The following BAZ1A variants were observed in gnomAD, a reference collection of about 807,000 sequenced individuals.
The protein encoded by BAZ1A is bromodomain adjacent to zinc finger domain 1A.
In BAZ1A, 50 loss-of-function variants were observed where a neutral mutation model predicts 185.2. That is an observed-to-expected ratio of 0.27 (90% CI 0.22 to 0.34). The LOEUF (loss-of-function observed/expected upper bound fraction) is 0.34. BAZ1A is among the 10% of genes least tolerant of loss of function. The pLI, the probability that BAZ1A is intolerant of heterozygous loss-of-function variation, is 1.00. For missense variants in BAZ1A, 1,356 were observed against 1,839.9 expected (o/e 0.74, Z 4.81); for synonymous variants, 571 against 615.6 (o/e 0.93, Z 1.07).
At chr14:34,792,217 C>CT (rs1405103495) in intron 12 of BAZ1A, among the ~76,000 whole-genome samples, 1 of 152,146 alleles carries the variant, frequency 6.6e-6, no homozygotes, top group Non-Finnish European at 1.5e-5. Flanking sequence ...AACCCCGTCT[C>CT]TATTTTAAAA....
chr14:34,861,974 C>G, intron 3 of BAZ1A, 70 bp downstream of exon 3: 3 of 1,526,548 alleles, frequency 2.0e-6, no homozygotes, highest in Non-Finnish European at 2.7e-6. Flanking sequence ...TAGGTCACCA[C>G]TTTGTGTGTT....
intron 21 of BAZ1A, among the ~76,000 whole-genome samples, chr14:34,766,605 G>A (rs17526884): frequency 0.3 from 44,998 of 151,986 alleles, 7,268 homozygotes; most frequent in Non-Finnish European, 0.38. Context: ...GATTCACCTA[G>A]ACTTCGGCGT....
At chr14:34,803,251 C>A in intron 6 of BAZ1A, among the ~76,000 whole-genome samples, 1 of 151,820 alleles carries the variant, frequency 6.6e-6, no homozygotes, top group East Asian at 1.9e-4. Flanking sequence ...TGGTGGCACA[C>A]GTCTGTAGTC....
chr14:34,838,593 C>T (rs951143690), intron 3 of BAZ1A, among the ~76,000 whole-genome samples: 3 of 151,760 alleles, frequency 2.0e-5, no homozygotes, highest in Admixed American at 6.6e-5. Flanking sequence ...GCAATCTCGG[C>T]TCACTGCAAC....
intron 3 of BAZ1A, among the ~76,000 whole-genome samples, chr14:34,853,925 G>A (rs2042635741): frequency 6.6e-6 from 1 of 152,230 alleles, no homozygotes; most frequent in South Asian, 2.1e-4. Flanking sequence ...TAATTCTGCA[G>A]TCCCTTTACT....
At chr14:34,868,677 T>C (rs1261587233) in intron 2 of BAZ1A, among the ~76,000 whole-genome samples, 3 of 151,886 alleles carry the variant, frequency 2.0e-5, no homozygotes, top group Non-Finnish European at 4.4e-5. Context: ...GTCAGGAGCC[T>C]GTAATCCTAG....
chr14:34,756,894 G>C lies in BAZ1A; in HGVS notation c.4386+1810C>G, dbSNP rs571939761. Among the ~76,000 whole-genome samples the C allele has an allele frequency of 1.8e-4, 28 of 152,208 alleles. No homozygotes were observed. In the South Asian group the frequency reaches 5.8e-3, roughly 32 times the overall value. ...AGACCTAATGAATCAAACACTCTGG[G>C]GCTCAGGAATCAATGTTTTAGCAAG... On this transcript the variant is annotated intron_variant, in intron 25 of 26. Coordinates refer to ENST00000360310, the MANE Select transcript of BAZ1A (RefSeq NM_013448.3).
At chr14:34,838,181 A>AT (rs1233890345) in intron 3 of BAZ1A, among the ~76,000 whole-genome samples, 21 of 152,190 alleles carry the variant, frequency 1.4e-4, no homozygotes, top group Non-Finnish European at 2.9e-4. Flanking sequence ...TGTTTATGCC[A>AT]TTAAACACTT....
intron 21 of BAZ1A, among the ~76,000 whole-genome samples, chr14:34,770,055 A>T (rs1322497785): frequency 6.6e-6 from 1 of 152,158 alleles, no homozygotes; most frequent in Non-Finnish European, 1.5e-5. Flanking sequence ...ACTGGCCACA[A>T]CTCTTCAATT....
chr14:34,812,331 C>A (rs1047375096), intron 4 of BAZ1A, among the ~76,000 whole-genome samples: 8 of 152,110 alleles, frequency 5.3e-5, no homozygotes, highest in Admixed American at 5.2e-4. Flanking sequence ...TGGAAGGAGG[C>A]ATGCACAATT....
At chr14:34,833,084 A>T (rs961455002) in intron 3 of BAZ1A, among the ~76,000 whole-genome samples, 1 of 152,188 alleles carries the variant, frequency 6.6e-6, no homozygotes, top group Non-Finnish European at 1.5e-5. Context: ...CAAAACAAAA[A>T]TTTAAAAATT....
intron 3 of BAZ1A, among the ~76,000 whole-genome samples, chr14:34,842,326 T>C (rs987440049): frequency 6.6e-6 from 1 of 152,220 alleles, no homozygotes; most frequent in Non-Finnish European, 1.5e-5. Context: ...TCACCTTTTG[T>C]TGCCACTAGA....
intron 12 of BAZ1A, among the ~76,000 whole-genome samples, chr14:34,790,232 G>A (rs7157311): frequency 0.58 from 86,709 of 150,726 alleles, 25,154 homozygotes; most frequent in South Asian, 0.67. Context: ...GCAGTGGCAC[G>A]ATCACAGATC....
chr14:34,813,791 G>A (rs1384556650), intron 4 of BAZ1A, among the ~76,000 whole-genome samples: 1 of 152,102 alleles, frequency 6.6e-6, no homozygotes, highest in Non-Finnish European at 1.5e-5. Context: ...TGTAATCCCA[G>A]CACCTTGGGA....
intron 6 of BAZ1A, among the ~76,000 whole-genome samples, chr14:34,806,150 T>C (rs970055569): frequency 2.0e-5 from 3 of 152,314 alleles, no homozygotes; most frequent in African/African-American, 7.2e-5. Flanking sequence ...TCTAGAGACC[T>C]GAAATGTTAA....
Position 34,782,596 on chromosome 14 carries a change from A to G in BAZ1A, c.2111+523T>C, listed in dbSNP as rs192458062. 7.6e-3 allele frequency among the ~76,000 whole-genome samples: 1,152 copies of G among 152,250 alleles called. 13 individuals carry two copies. Among genetic ancestry groups the G allele is most frequent in the Non-Finnish European group, 1.0e-2 (679 of 68,004 alleles). The stretch of plus-strand genomic sequence containing the variant: ...TTCTTCTACTGCGAGTTTGTGACCT[A>G]AGATCTTAAGGCTTATTAATGGGTA... On this transcript the variant is annotated intron_variant, in intron 16 of 26. Transcript: ENST00000360310.
chr14:34,822,887 T>C (rs1474602549), intron 4 of BAZ1A, among the ~76,000 whole-genome samples: 3 of 152,150 alleles, frequency 2.0e-5, no homozygotes, highest in Non-Finnish European at 4.4e-5. Flanking sequence ...TTAATGTGCT[T>C]TGTATTCAAA....
chr14:34,818,712 A>G (rs1279245735), intron 4 of BAZ1A, among the ~76,000 whole-genome samples: 1 of 152,206 alleles, frequency 6.6e-6, no homozygotes, highest in Non-Finnish European at 1.5e-5. Context: ...TTTGTCTTAC[A>G]TATCCACACT....
intron 14 of BAZ1A, among the ~76,000 whole-genome samples, chr14:34,785,383 A>T (rs1040357514): frequency 5.3e-5 from 8 of 152,238 alleles, no homozygotes; most frequent in East Asian, 1.9e-4. Context: ...GCAATTTTTT[A>T]AAAAAAGGAA....
Sources: gnomAD v4.1 joint callset for allele counts (sites outside exome capture counted in the v4.1 genomes callset) on GRCh38, gnomAD v4.1.1 for gene constraint, MANE v1.5 for transcripts, NCBI Gene and HGNC (gene_info 2026-07-23, HGNC 2026-07-21) for gene names.